RRP15: variants seen among roughly 807,000 people sequenced by gnomAD.
RRP15 encodes the protein RRP15-like protein.
In RRP15, 18 loss-of-function variants were observed where a neutral mutation model predicts 27.1. The ratio of observed to expected loss-of-function variants is 0.66; its 90% CI spans 0.46 to 0.98. RRP15 has a LOEUF of 0.98. Ranked by LOEUF, RRP15 falls within the 50% of genes least tolerant of loss-of-function variation. The pLI, the probability that RRP15 is intolerant of heterozygous loss-of-function variation, is 0.00. For synonymous variants in RRP15, 107 were observed against 109.4 expected (o/e 0.98, Z 0.14); for missense variants, 359 against 337.8 (o/e 1.06, Z -0.49).
At chr1:218,319,837 T>C (rs1484229202) in intron 4 of RRP15, among the ~76,000 whole-genome samples, 2 of 152,160 alleles carry the variant, frequency 1.3e-5, no homozygotes, top group Non-Finnish European at 1.5e-5. Flanking sequence ...GCTCTGCTAA[T>C]TTTTTATAAA....
At chr1:218,329,586 T>C (rs933307227) in intron 4 of RRP15, among the ~76,000 whole-genome samples, 1 of 152,260 alleles carries the variant, frequency 6.6e-6, no homozygotes, top group East Asian at 1.9e-4. Flanking sequence ...GGAACTGTTT[T>C]ATGTTGGTTT....
chr1:218,312,289 T>C (rs1656006576), intron 4 of RRP15, among the ~76,000 whole-genome samples: 1 of 151,852 alleles, frequency 6.6e-6, no homozygotes, highest in Non-Finnish European at 1.5e-5. Context: ...TTTCTTTTTT[T>C]TTTTTTTAGC....
chr1:218,291,528 C>CTTTTTT (rs776529360), intron 1 of RRP15, among the ~76,000 whole-genome samples: 7 of 104,940 alleles, frequency 6.7e-5, no homozygotes, highest in South Asian at 3.3e-4. Context: ...TTGAATTTTC[C>CTTTTTT]TTTTTTTTTT....
At chr1:218,285,504 G>T (rs1310132969) in intron 1 of RRP15, 49 bp downstream of exon 1, 17 of 1,609,986 alleles carry the variant, frequency 1.1e-5, no homozygotes, top group Non-Finnish European at 1.4e-5. Flanking sequence ...AGGCGGGGCT[G>T]AGTTCGTGTC....
chr1:218,296,737 C>T (rs2102494711), intron 1 of RRP15, among the ~76,000 whole-genome samples: 1 of 151,960 alleles, frequency 6.6e-6, no homozygotes, highest in South Asian at 2.1e-4. Context: ...TACATGTTAG[C>T]TAGTTAGTAT....
intron 1 of RRP15, among the ~76,000 whole-genome samples, chr1:218,288,417 C>T (rs1655584161): frequency 6.6e-6 from 1 of 152,174 alleles, no homozygotes; most frequent in South Asian, 2.1e-4. Context: ...TTGGAACTTT[C>T]CTATGTGCCT....
chr1:218,298,243 T>G (rs562605614), intron 1 of RRP15, among the ~76,000 whole-genome samples: 1 of 152,310 alleles, frequency 6.6e-6, no homozygotes, highest in South Asian at 2.1e-4. Context: ...GTCATTCAAA[T>G]TCTTGCATTA....
intron 4 of RRP15, among the ~76,000 whole-genome samples, chr1:218,320,052 T>C (rs1484184898): frequency 1.3e-5 from 2 of 151,418 alleles, no homozygotes; most frequent in African/African-American, 4.9e-5. Flanking sequence ...TATTTCTTTT[T>C]TTTTCTTTTA....
At chr1:218,326,680 AT>A (rs1208465572) in intron 4 of RRP15, among the ~76,000 whole-genome samples, 1 of 152,194 alleles carries the variant, frequency 6.6e-6, no homozygotes, top group African/African-American at 2.4e-5. Context: ...GCGTACCAGC[AT>A]TTTGGGAGCC....
intron 1 of RRP15, among the ~76,000 whole-genome samples, chr1:218,295,863 T>G (rs1655710234): frequency 6.6e-6 from 1 of 152,236 alleles, no homozygotes; most frequent in Admixed American, 6.5e-5. Context: ...CATTTTATTT[T>G]TGGTTATTTT....
At position 218,336,055 on chromosome 1, in the gene RRP15, T is replaced by G. The variant is rs1485677606; in HGVS notation, c.*4964T>G. The G allele has an allele frequency of 2.0e-5, 3 of 152,212 alleles. No homozygotes were observed. Among genetic ancestry groups the G allele is most frequent in the African/African-American group, 7.2e-5 (3 of 41,456 alleles). 9.4% of individuals were successfully genotyped at this position (152,212 alleles called of 1,614,324 possible). On this transcript the variant is annotated 3_prime_UTR_variant, in exon 5 of 5. Transcript: ENST00000366932. Reference sequence around the variant, plus strand: ...TGCACCAAAAGGACATTTTGAGAACTGCCGGAGCAACAGATACCACCATGT... The same window carrying G: ...TGCACCAAAAGGACATTTTGAGAACGGCCGGAGCAACAGATACCACCATGT...
chr1:218,293,675 T>A (rs2102492875), intron 1 of RRP15, among the ~76,000 whole-genome samples: 1 of 152,348 alleles, frequency 6.6e-6, no homozygotes, highest in South Asian at 2.1e-4. Flanking sequence ...GAATTTTATT[T>A]TTCTGGCTTT....
intron 1 of RRP15, among the ~76,000 whole-genome samples, chr1:218,299,613 TACC>T (rs1655779068): frequency 6.6e-6 from 1 of 152,206 alleles, no homozygotes; most frequent in South Asian, 2.1e-4. Flanking sequence ...TCTGACATGT[TACC>T]AGGAGCTAGT....
intron 4 of RRP15, among the ~76,000 whole-genome samples, chr1:218,320,905 G>T (rs1238383933): frequency 6.6e-6 from 1 of 151,716 alleles, no homozygotes; most frequent in Non-Finnish European, 1.5e-5. Flanking sequence ...GTGAAACTGA[G>T]TTAAAATGAA....
Position 218,324,316 on chromosome 1 carries a change from G to A in RRP15, c.706-6632G>A, listed in dbSNP as rs547677743. Reference sequence around the variant, plus strand: ...GACGCTCTGGGGGCTGGCCCCTTGAGTCTTGCCTGCACCTTCGGCCGGGTA... The same window carrying A: ...GACGCTCTGGGGGCTGGCCCCTTGAATCTTGCCTGCACCTTCGGCCGGGTA... On this transcript the variant is annotated intron_variant, in intron 4 of 4. Coordinates refer to ENST00000366932, the MANE Select transcript of RRP15 (RefSeq NM_016052.4). Among the ~76,000 whole-genome samples the A allele has an allele frequency of 2.0e-4, 31 of 152,362 alleles. No homozygotes were observed. In the South Asian group the frequency reaches 6.2e-3, roughly 31 times the overall value.
intron 1 of RRP15, among the ~76,000 whole-genome samples, chr1:218,298,883 T>C (rs1655764063): frequency 6.6e-6 from 1 of 152,218 alleles, no homozygotes; most frequent in Non-Finnish European, 1.5e-5. Flanking sequence ...GCATCCTTTG[T>C]AGTCCTTTAA....
chr1:218,292,936 C>T (rs1198637458), intron 1 of RRP15, among the ~76,000 whole-genome samples: 1 of 152,120 alleles, frequency 6.6e-6, no homozygotes, highest in Non-Finnish European at 1.5e-5. Context: ...GTCTCCTCCA[C>T]TTTGTCTTTT....
rs746850648 is a variant in RRP15, at chr1:218,334,723, G to A, written c.*3632G>A. On this transcript the variant is annotated 3_prime_UTR_variant, in exon 5 of 5. Coordinates refer to ENST00000366932, the MANE Select transcript of RRP15 (RefSeq NM_016052.4). Reference sequence around the variant, plus strand: ...TGCATGTCACTGATATGGTATAGACGCTATAAGCCCTGTAGATATTATGGG... The same window carrying A: ...TGCATGTCACTGATATGGTATAGACACTATAAGCCCTGTAGATATTATGGG... 12 of 152,140 alleles carry A rather than the reference G, an allele frequency of 7.9e-5. No homozygotes were observed. The highest frequency in any genetic ancestry group is 9.7e-5 in the African/African-American group (4 of 41,438). 9.4% of individuals were successfully genotyped at this position (152,140 alleles called of 1,614,324 possible). A position where few individuals can be genotyped will look rare whatever the true frequency, so the allele number is the denominator to read the frequency against.
At chr1:218,305,895 T>TCTTACTA (rs1655891869) in intron 3 of RRP15, among the ~76,000 whole-genome samples, 1 of 152,212 alleles carries the variant, frequency 6.6e-6, no homozygotes, top group African/African-American at 2.4e-5. Context: ...ATCGTAGTAC[T>TCTTACTA]GGCTCTTACT....
Sources: allele counts gnomAD v4.1 joint callset (sites outside exome capture counted in the v4.1 genomes callset), GRCh38; gene constraint gnomAD v4.1.1; transcripts MANE v1.5; gene names NCBI Gene and HGNC (gene_info 2026-07-23, HGNC 2026-07-21).